Variants in ATL2 observed in about 807,000 individuals in gnomAD.
ATL2 encodes the protein atlastin-2.
In ATL2, 31 loss-of-function variants were observed where a neutral mutation model predicts 73.9. The observed-to-expected ratio is 0.42, with a 90% CI of 0.32 to 0.57. ATL2 has a LOEUF of 0.57. Among genes scored for constraint, ATL2 ranks in the 20% least tolerant of loss-of-function variants. The pLI, the probability that ATL2 is intolerant of heterozygous loss-of-function variation, is 0.14. For synonymous variants in ATL2, 291 were observed against 237.5 expected (o/e 1.23, Z -2.07); for missense variants, 738 against 702.6 (o/e 1.05, Z -0.57).
At chr2:38,300,557 A>G (rs1355409123) in intron 9 of ATL2, 4 of 369,058 alleles carry the variant, frequency 1.1e-5, no homozygotes, top group Non-Finnish European at 9.6e-6. Context: ...CATAAAAGTT[A>G]TAACTCAAAG....
intron 1 of ATL2, among the ~76,000 whole-genome samples, chr2:38,353,779 A>T (rs1670494368): frequency 6.6e-6 from 1 of 152,238 alleles, no homozygotes; most frequent in South Asian, 2.1e-4. Context: ...TCACTGAAGC[A>T]CTGGAGGCCA....
intron 12 of ATL2, chr2:38,296,678 T>A: frequency 6.4e-7 from 1 of 1,565,990 alleles, no homozygotes; most frequent in South Asian, 1.2e-5. Flanking sequence ...AGACTGTAGG[T>A]TTCTCACCTT....
At chr2:38,324,062 G>A (rs1573481675) in intron 2 of ATL2, among the ~76,000 whole-genome samples, 2 of 152,202 alleles carry the variant, frequency 1.3e-5, no homozygotes, top group South Asian at 4.1e-4. Flanking sequence ...GATCACCTGA[G>A]GCTGGGAGTT....
intron 9 of ATL2, among the ~76,000 whole-genome samples, chr2:38,304,495 A>T (rs966698104): frequency 6.6e-6 from 1 of 152,220 alleles, no homozygotes; most frequent in Admixed American, 6.5e-5. Context: ...GAAAAACAGA[A>T]TATTATTAAC....
chr2:38,367,605 A>AAC (rs1183760993), intron 1 of ATL2, among the ~76,000 whole-genome samples: 4 of 147,228 alleles, frequency 2.7e-5, no homozygotes, highest in Non-Finnish European at 6.0e-5. Flanking sequence ...AAAAAAAAAA[A>AAC]AAAAAAAAAA....
intron 2 of ATL2, among the ~76,000 whole-genome samples, chr2:38,332,859 A>C (rs779965628): frequency 2.0e-5 from 3 of 152,162 alleles, no homozygotes; most frequent in Non-Finnish European, 4.4e-5. Context: ...ATCTATACAA[A>C]ATGTATCCTA....
chr2:38,343,551 C>T, intron 1 of ATL2, 39 bp from the exon 2 acceptor site: 2 of 1,572,126 alleles, frequency 1.3e-6, no homozygotes, highest in South Asian at 2.3e-5. Context: ...ACTTTAATCC[C>T]TATATTACGA....
chr2:38,325,699 T>TACACAGACACAC (rs1668597939), intron 2 of ATL2, among the ~76,000 whole-genome samples: 1 of 11,316 alleles, frequency 8.8e-5, no homozygotes, highest in Non-Finnish European at 1.9e-4. Context: ...CACACACCAG[T>TACACAGACACAC]ACACACACAC....
At chr2:38,377,087 G>C in intron 1 of ATL2, 56 bp downstream of exon 1, 1 of 1,540,104 alleles carries the variant, frequency 6.5e-7, no homozygotes, top group Non-Finnish European at 8.9e-7. Context: ...GCGAGCCCGA[G>C]CAGCGAGCGT....
Position 38,294,460 on chromosome 2 carries a change from A to T in ATL2, c.*1534T>A, listed in dbSNP as rs2148391614. ...CTACTCAGGAGGCTGAGGCGGGAGA[A>T]TCACTTGAACCCAGGAGGTGGAGGT... is the stretch of plus-strand genomic sequence containing the variant. On this transcript the variant is annotated 3_prime_UTR_variant, in exon 13 of 13. Coordinates refer to ENST00000378954, the MANE Select transcript of ATL2 (RefSeq NM_001135673.4). Among the ~76,000 whole-genome samples, 1 of 152,318 alleles carries T rather than the reference A, an allele frequency of 6.6e-6. No individual in the cohort carries two copies. The highest frequency in any genetic ancestry group is 1.9e-4 in the East Asian group (1 of 5,184).
chr2:38,337,423 T>C (rs112027682), intron 2 of ATL2, among the ~76,000 whole-genome samples: 14,642 of 133,952 alleles, frequency 0.11, 2,483 homozygotes, highest in African/African-American at 0.37. Flanking sequence ...GAGGCAGAGG[T>C]TGCAGTGAGC....
intron 2 of ATL2, among the ~76,000 whole-genome samples, chr2:38,332,393 A>G (rs983710362): frequency 1.3e-5 from 2 of 152,028 alleles, no homozygotes; most frequent in African/African-American, 4.8e-5. Context: ...TTTTGTAGAG[A>G]TGGAGTCTCC....
chr2:38,336,956 G>C (rs889986958), intron 2 of ATL2, among the ~76,000 whole-genome samples: 1 of 152,106 alleles, frequency 6.6e-6, no homozygotes, highest in Admixed American at 6.6e-5. Context: ...GAAGTCTCTA[G>C]ATTCAACTAA....
intron 1 of ATL2, among the ~76,000 whole-genome samples, chr2:38,350,468 A>G (rs1441814265): frequency 6.6e-6 from 1 of 152,222 alleles, no homozygotes; most frequent in Admixed American, 6.5e-5. Context: ...ATGAACAGGC[A>G]TAACACAGAA....
intron 12 of ATL2, chr2:38,296,341 A>C (rs1666892683): frequency 6.9e-7 from 1 of 1,454,404 alleles, no homozygotes; most frequent in African/African-American, 1.4e-5. Context: ...TATGAGATGG[A>C]TGTGCAATTC....
chr2:38,359,079 C>A (rs1030183332), intron 1 of ATL2, among the ~76,000 whole-genome samples: 9 of 152,072 alleles, frequency 5.9e-5, no homozygotes, highest in African/African-American at 2.2e-4. Context: ...CTCCAGGAAA[C>A]GACTTATTAA....
chr2:38,312,546 T>TA (rs1340138767), intron 7 of ATL2, among the ~76,000 whole-genome samples: 1 of 151,676 alleles, frequency 6.6e-6, no homozygotes, highest in Non-Finnish European at 1.5e-5. Context: ...CCGTCTCTGC[T>TA]AAAAAATACA....
intron 1 of ATL2, among the ~76,000 whole-genome samples, chr2:38,349,511 T>C (rs986833023): frequency 4.0e-5 from 4 of 98,856 alleles, no homozygotes; most frequent in African/African-American, 8.0e-5. Context: ...CATCACACTC[T>C]GGGGACTGTT....
chr2:38,353,151 A>T (rs1573555839), intron 1 of ATL2, among the ~76,000 whole-genome samples: 1 of 152,382 alleles, frequency 6.6e-6, no homozygotes, highest in Middle Eastern at 3.4e-3. Context: ...TGCTGAATTT[A>T]GCAGACAAAT....
Sources: gnomAD v4.1 joint callset for allele counts (sites outside exome capture counted in the v4.1 genomes callset) on GRCh38, gnomAD v4.1.1 for gene constraint, MANE v1.5 for transcripts, NCBI Gene and HGNC (gene_info 2026-07-23, HGNC 2026-07-21) for gene names.